EDA: variants seen among roughly 807,000 people sequenced by gnomAD.
EDA encodes the protein ectodysplasin A, also known as ectodysplasin-A.
EDA carries 2 observed loss-of-function variants against 23.6 expected under a neutral mutation model. The ratio of observed to expected loss-of-function variants is 0.08; its 90% CI spans 0.03 to 0.27. EDA has a LOEUF of 0.27. Ranked by LOEUF, EDA falls within the 10% of genes least tolerant of loss-of-function variation. The probability of loss-of-function intolerance (pLI) is 1.00; values close to 1 mark genes in which losing one functional copy is unlikely to be tolerated. For missense variants in EDA, 229 were observed against 324.2 expected, an observed-to-expected ratio of 0.71 and a Z score of 2.26; for synonymous variants, 131 against 132.0, an observed-to-expected ratio of 0.99 and a Z score of 0.05.
At chrX:69,736,471 G>A (rs1360671276) in intron 1 of EDA, among the ~76,000 whole-genome samples, 3 of 108,747 alleles carry the variant, frequency 2.8e-5, no homozygotes, top group Non-Finnish European at 3.8e-5. Context: ...GTGGGATTGC[G>A]GACATGCACC....
chrX:69,823,141 A>G (rs1433821057), intron 1 of EDA, among the ~76,000 whole-genome samples: 3 of 83,679 alleles, frequency 3.6e-5, no homozygotes, highest in African/African-American at 5.3e-5. Context: ...ATTGTGAATA[A>G]TGCTGCAATA....
intron 1 of EDA, among the ~76,000 whole-genome samples, chrX:69,789,496 C>G (rs1294868187): frequency 8.9e-6 from 1 of 112,084 alleles, no homozygotes; most frequent in African/African-American, 3.2e-5. Context: ...AGGCTCTGCA[C>G]CAGCTGTATC....
chrX:69,723,292 G>C (rs947014856), intron 1 of EDA, among the ~76,000 whole-genome samples: 1 of 111,836 alleles, frequency 8.9e-6, no homozygotes, highest in Admixed American at 9.5e-5. Context: ...TACTTACCTT[G>C]TGTGGGTACC....
intron 1 of EDA, among the ~76,000 whole-genome samples, chrX:69,644,035 T>C (rs1932874155): frequency 8.9e-6 from 1 of 111,864 alleles, no homozygotes; most frequent in South Asian, 3.8e-4. Context: ...TTGGATAGCA[T>C]GAGGCCTCCA....
chrX:69,673,239 A>G (rs1933963208), intron 1 of EDA, among the ~76,000 whole-genome samples: 1 of 111,882 alleles, frequency 8.9e-6, no homozygotes, highest in Admixed American at 9.5e-5. Context: ...ATTTTGATTA[A>G]TAGGGAGAAA....
At chrX:70,035,218 C>A in intron 7 of EDA, 140 bp from the exon 8 acceptor site, 1 of 692,251 alleles carries the variant, frequency 1.4e-6, no homozygotes, top group Non-Finnish European at 2.2e-6. Context: ...GGCCAGCTAG[C>A]ACGCCTTCAC....
intron 1 of EDA, among the ~76,000 whole-genome samples, chrX:69,644,241 T>C (rs1183058319): frequency 1.8e-5 from 2 of 111,576 alleles, no homozygotes; most frequent in Non-Finnish European, 3.8e-5. Context: ...TCCATGAGCA[T>C]GGAATGTTTC....
intron 1 of EDA, among the ~76,000 whole-genome samples, chrX:69,862,339 T>A (rs1201118604): frequency 8.9e-6 from 1 of 112,176 alleles, no homozygotes; most frequent in African/African-American, 3.2e-5. Context: ...ATACCATCAT[T>A]TCTGCTTTAT....
chrX:69,757,546 T>A (rs891345796), intron 1 of EDA, among the ~76,000 whole-genome samples: 2 of 112,456 alleles, frequency 1.8e-5, no homozygotes, highest in Non-Finnish European at 3.8e-5. Context: ...CATATCTCTT[T>A]CTTTATAATT....
intron 1 of EDA, among the ~76,000 whole-genome samples, chrX:69,753,000 A>G (rs2013949062): frequency 9.1e-6 from 1 of 110,285 alleles, no homozygotes; most frequent in Admixed American, 9.6e-5. Context: ...GCGGTCTATC[A>G]ATTTTGTTGA....
intron 1 of EDA, among the ~76,000 whole-genome samples, chrX:69,847,142 A>G (rs921405448): frequency 2.7e-5 from 3 of 111,397 alleles, no homozygotes; most frequent in Non-Finnish European, 3.8e-5. Flanking sequence ...GTTGGTGCTT[A>G]TTGAGAAGTC....
chrX:69,882,708 C>T (rs1462956418), intron 1 of EDA, among the ~76,000 whole-genome samples: 1 of 104,334 alleles, frequency 9.6e-6, no homozygotes, highest in Non-Finnish European at 2.0e-5. Context: ...TTTGTAACTA[C>T]TTTTTTTTTT....
intron 1 of EDA, among the ~76,000 whole-genome samples, chrX:69,685,418 C>T (rs1289155687): frequency 9.0e-6 from 1 of 110,939 alleles, no homozygotes; most frequent in East Asian, 2.8e-4. Flanking sequence ...AATATCTGGG[C>T]CTTTATGATA....
intron 1 of EDA, among the ~76,000 whole-genome samples, chrX:69,808,631 T>C (rs988398163): frequency 9.0e-6 from 1 of 110,969 alleles, no homozygotes. Flanking sequence ...CTGAAAGAAG[T>C]TGGATGTGGT....
At chrX:69,811,603 G>T in intron 1 of EDA, among the ~76,000 whole-genome samples, 1 of 111,349 alleles carries the variant, frequency 9.0e-6, no homozygotes, top group African/African-American at 3.3e-5. Flanking sequence ...TCCTCCTCAC[G>T]GTGCCAATTT....
At chrX:69,853,796 T>C (rs949464941) in intron 1 of EDA, among the ~76,000 whole-genome samples, 1 of 112,308 alleles carries the variant, frequency 8.9e-6, no homozygotes, top group East Asian at 2.8e-4. Flanking sequence ...ATAATAATTA[T>C]TTTAGGCTTT....
intron 1 of EDA, among the ~76,000 whole-genome samples, chrX:69,898,980 G>C (rs2018060436): frequency 8.9e-6 from 1 of 111,853 alleles, no homozygotes; most frequent in Non-Finnish European, 1.9e-5. Context: ...TTGCACCCCT[G>C]TAACTTGGTG....
chrX:69,625,295 C>A (rs745572564), intron 1 of EDA, among the ~76,000 whole-genome samples: 19 of 111,305 alleles, frequency 1.7e-4, no homozygotes, highest in African/African-American at 6.2e-4. Context: ...GACAAAGCAT[C>A]TTCTGAGCTT....
intron 1 of EDA, among the ~76,000 whole-genome samples, chrX:69,931,205 TG>T (rs776021281): frequency 9.0e-6 from 1 of 111,475 alleles, no homozygotes; most frequent in Non-Finnish European, 1.9e-5. Context: ...CACACATATA[TG>T]GTCAAATGAT....
Sources: allele counts gnomAD v4.1 joint callset (sites outside exome capture counted in the v4.1 genomes callset), GRCh38; gene constraint gnomAD v4.1.1; transcripts MANE v1.5; gene names NCBI Gene and HGNC (gene_info 2026-07-23, HGNC 2026-07-21).